The following FREM2 variants were observed in gnomAD, a reference collection of about 807,000 sequenced individuals.
The protein encoded by FREM2 is FRAS1-related extracellular matrix protein 2.
Under a neutral mutation model 219.9 loss-of-function variants are expected in FREM2, and 119 were observed. That is an observed-to-expected ratio of 0.54 (90% confidence interval 0.47 to 0.63). The LOEUF is 0.63. Among genes scored for constraint, FREM2 ranks in the 30% least tolerant of loss-of-function variants. The pLI, the probability that FREM2 is intolerant of heterozygous loss-of-function variation, is 0.00. For synonymous variants in FREM2, 1,562 were observed against 1,522.8 expected (o/e 1.03, Z -0.60); for missense variants, 4,030 against 3,993.6 (o/e 1.01, Z -0.25).
intron 2 of FREM2, among the ~76,000 whole-genome samples, chr13:38,713,840 A>G (rs1265328189): frequency 6.6e-6 from 1 of 152,182 alleles, no homozygotes; most frequent in African/African-American, 2.4e-5. Flanking sequence ...CTTCCCAGAT[A>G]TTTGACAATG....
chr13:38,874,365 C>A lies in FREM2; in HGVS notation c.8177-117C>A, dbSNP rs1275368296. On this transcript the variant is annotated intron_variant, in intron 17 of 23. Transcript: ENST00000280481. ...GTTATTCAGAATTCTTCTGATAATA[C>A]CCTTTGCCCAGAATGTTTAAAGACA... The A allele has an allele frequency of 6.4e-6, 5 of 784,522 alleles. No individual in the cohort carries two copies. In the Admixed American group the frequency reaches 9.6e-5, roughly 15 times the overall value. The allele number at this position is 784,522 out of a possible 1,614,324, so 48.6% of individuals were successfully genotyped here.
At chr13:38,721,565 G>GGT (rs1296019903) in intron 2 of FREM2, among the ~76,000 whole-genome samples, 2 of 152,156 alleles carry the variant, frequency 1.3e-5, no homozygotes, top group Non-Finnish European at 2.9e-5. Flanking sequence ...AGAGCTGGGT[G>GGT]TATCAGTGAT....
At position 38,691,235 on chromosome 13, in the gene FREM2, C is replaced by G; in HGVS notation, c.3891C>G (p.Ile1297Met). The G allele has an allele frequency of 6.2e-7, 1 of 1,613,706 alleles. No individual in the cohort carries two copies. Among genetic ancestry groups the G allele is most frequent in the Non-Finnish European group, 8.5e-7 (1 of 1,179,750 alleles). ...AAAAGACGGTCCTCATTATAGTTAT[C>G]CCTGTTGATGATGAGACGCCCAGAA... is the stretch of plus-strand genomic sequence containing the variant. ...SVEKTVLIIVIPVDDETPRMT... is the reference protein window; with the variant it reads ...SVEKTVLIIVMPVDDETPRMT... Residue 1297 changes from isoleucine to methionine, a missense_variant, in exon 1 of 24, where the codon ATC (isoleucine) becomes ATG (methionine). Ile to Met is a conservative substitution (Grantham distance 10). Transcript: ENST00000280481.
Position 38,850,982 on chromosome 13 carries a change from G to A in FREM2, c.6616G>A (p.Asp2206Asn), listed in dbSNP as rs746917920. ...GCCCTGCATTCTTGAGCTGATGGACGATGTGCTCTATGAGGAGGTAGAGGA... is the reference window on the plus strand; with the variant it reads ...GCCCTGCATTCTTGAGCTGATGGACAATGTGCTCTATGAGGAGGTAGAGGA... Reference protein sequence around the residue: ...EKPCILELMDDVLYEEVEELR... With the variant: ...EKPCILELMDNVLYEEVEELR... The change falls in exon 10 of 24, where the codon GAT (aspartate) becomes AAT (asparagine). Residue 2206 changes from aspartate (D) to asparagine (N), a missense_variant. Around this residue, in one of 2 missense-constraint regions of FREM2, gnomAD observed 3,102 missense variants for 2,950.7 expected, o/e 1.05. Coordinates refer to ENST00000280481, the MANE Select transcript of FREM2 (RefSeq NM_207361.6). The A allele has an allele frequency of 5.6e-6, 9 of 1,613,370 alleles. No homozygotes were observed. Among genetic ancestry groups the A allele is most frequent in the South Asian group, 1.1e-5 (1 of 91,044 alleles).
intron 21 of FREM2, among the ~76,000 whole-genome samples, chr13:38,877,813 G>A (rs1878393288): frequency 6.6e-6 from 1 of 152,060 alleles, no homozygotes; most frequent in Admixed American, 6.5e-5. Context: ...ACTTATTTTT[G>A]TAAACTGGAC....
At chr13:38,880,222 A>G in intron 23 of FREM2, 62 bp from the exon 24 acceptor site, 1 of 1,490,830 alleles carries the variant, frequency 6.7e-7, no homozygotes. Context: ...TCTTGCAAAG[A>G]GTCGTGGATT....
rs377627650 is a variant in FREM2, at chr13:38,689,882, C to T, written c.2538C>T (p.Ile846=). 6.2e-7 allele frequency: 1 copy of T among 1,614,176 alleles called. No homozygotes were observed. The highest frequency in any genetic ancestry group is 1.7e-5 in the Admixed American group (1 of 60,030). The change falls in exon 1 of 24, where the codon ATC becomes ATT. Residue 846 remains isoleucine, a synonymous_variant. Transcript: ENST00000280481. ...GFTIQEKGHH[I]LSETELHVND... is the part of the protein sequence containing the mutation. ...CTATTCAGGAGAAGGGTCACCACAT[C>T]CTGAGTGAGACAGAGTTGCACGTGA...
chr13:38,719,911 A>G (rs887749963), intron 2 of FREM2, among the ~76,000 whole-genome samples: 2 of 152,210 alleles, frequency 1.3e-5, no homozygotes, highest in South Asian at 2.1e-4. Context: ...TGCCTGTCAC[A>G]ATACATTCCA....
intron 6 of FREM2, among the ~76,000 whole-genome samples, chr13:38,840,648 G>GTGTA (rs1876920570): frequency 7.9e-6 from 1 of 126,070 alleles, no homozygotes; most frequent in African/African-American, 4.1e-5. Context: ...ATATATATGT[G>GTGTA]TATGTATATA....
chr13:38,848,715 A>G, intron 8 of FREM2, 45 bp downstream of exon 8: 1 of 1,471,502 alleles, frequency 6.8e-7, no homozygotes, highest in African/African-American at 1.4e-5. Flanking sequence ...AATTGAAATC[A>G]TAAGCTAAGG....
At chr13:38,848,791 A>C (rs1877263180) in intron 8 of FREM2, 121 bp downstream of exon 8, 1 of 889,292 alleles carries the variant, frequency 1.1e-6, no homozygotes. Context: ...TTCCATAACA[A>C]AGTAGCACTG....
At chr13:38,707,630 T>C (rs1422591260) in intron 2 of FREM2, among the ~76,000 whole-genome samples, 1 of 152,196 alleles carries the variant, frequency 6.6e-6, no homozygotes, top group Non-Finnish European at 1.5e-5. Context: ...CTTATCCAGC[T>C]GTTAGAGGCA....
chr13:38,772,901 T>A (rs1873726053), intron 4 of FREM2, among the ~76,000 whole-genome samples: 1 of 151,946 alleles, frequency 6.6e-6, no homozygotes, highest in Admixed American at 6.6e-5. Context: ...TTCACCACGT[T>A]GGCCAGGCTG....
At chr13:38,823,278 C>G (rs1876141222) in intron 6 of FREM2, among the ~76,000 whole-genome samples, 1 of 152,058 alleles carries the variant, frequency 6.6e-6, no homozygotes, top group Admixed American at 6.6e-5. Flanking sequence ...CACTTGCCAA[C>G]TAGCTAGGCC....
At chr13:38,753,941 A>G (rs961842558) in intron 2 of FREM2, among the ~76,000 whole-genome samples, 1 of 147,088 alleles carries the variant, frequency 6.8e-6, no homozygotes, top group Admixed American at 6.9e-5. Context: ...GCAGGGGATC[A>G]AAATTAACAC....
chr13:38,835,987 G>A (rs532253458), intron 6 of FREM2, among the ~76,000 whole-genome samples: 68 of 152,286 alleles, frequency 4.5e-4, no homozygotes, highest in African/African-American at 1.6e-3. Context: ...ATGTTGTATA[G>A]GAGTGGTGAG....
In FREM2 at chr13:38,687,102, C is replaced by T; in HGVS notation, c.-243C>T. On this transcript the variant is annotated 5_prime_UTR_variant, in exon 1 of 24. Coordinates refer to ENST00000280481, the MANE Select transcript of FREM2 (RefSeq NM_207361.6). ...AGAAGTGGAGGGATTCAATTCTCCG[C>T]GCGATTGAGGCGCTAGCGGCGGAGC... 1.7e-6 allele frequency: 1 copy of T among 590,078 alleles called. No homozygotes were observed. 36.6% of individuals were successfully genotyped at this position (590,078 alleles called of 1,614,324 possible).
intron 6 of FREM2, among the ~76,000 whole-genome samples, chr13:38,806,728 AT>A (rs1283156921): frequency 6.6e-6 from 1 of 151,918 alleles, no homozygotes; most frequent in African/African-American, 2.4e-5. Flanking sequence ...GGTTGTGGTA[AT>A]TACTTAAAAT....
In FREM2 at chr13:38,688,807, G is replaced by T. The variant is rs146258429; in HGVS notation, c.1463G>T (p.Arg488Leu). Residue 488 changes from arginine (R) to leucine (L), a missense_variant, in exon 1 of 24, where the codon CGG becomes CTG. This residue lies in a region of FREM2 where 3,102 missense variants were observed against 2,950.7 expected (regional missense o/e 1.05). Transcript: ENST00000280481. ...AVRLEVVAGL[R>L]HGHLVILGAS... Reference sequence around the variant, plus strand: ...CGGCTAGAGGTGGTGGCTGGGCTCCGGCATGGTCACCTTGTCATTCTGGGT... The same window carrying T: ...CGGCTAGAGGTGGTGGCTGGGCTCCTGCATGGTCACCTTGTCATTCTGGGT... The T allele has an allele frequency of 1.2e-5, 19 of 1,613,830 alleles. No individual in the cohort carries two copies. The highest frequency in any genetic ancestry group is 1.3e-5 in the Non-Finnish European group (15 of 1,180,032).
Sources: allele counts gnomAD v4.1 joint callset (sites outside exome capture counted in the v4.1 genomes callset), GRCh38; gene constraint gnomAD v4.1.1; regional missense constraint gnomAD v4.1.1; transcripts MANE v1.5; gene names NCBI Gene and HGNC (gene_info 2026-07-23, HGNC 2026-07-21).